Variants in LRIG1 observed in about 807,000 individuals in gnomAD.
LRIG1 encodes the protein leucine-rich repeats and immunoglobulin-like domains protein 1.
In LRIG1, 48 loss-of-function variants were observed where a neutral mutation model predicts 99.2. The observed-to-expected ratio is 0.48, with a 90% CI of 0.38 to 0.62. The LOEUF (loss-of-function observed/expected upper bound fraction) is 0.62. Among genes scored for constraint, LRIG1 ranks in the 20% least tolerant of loss-of-function variants. The probability of loss-of-function intolerance (pLI) is 0.00; values close to 1 mark genes in which losing one functional copy is unlikely to be tolerated. For synonymous variants in LRIG1, 772 were observed against 596.1 expected (o/e 1.29, Z -4.30); for missense variants, 1,646 against 1,434.4 (o/e 1.15, Z -2.38).
intron 1 of LRIG1, among the ~76,000 whole-genome samples, chr3:66,464,026 G>T (rs189272652): frequency 5.3e-5 from 8 of 152,228 alleles, no homozygotes; most frequent in Admixed American, 2.6e-4. Flanking sequence ...TCTGTGCCTG[G>T]GGGTATTTGT....
chr3:66,396,465 G>A (rs905262820), intron 11 of LRIG1, among the ~76,000 whole-genome samples: 6 of 152,270 alleles, frequency 3.9e-5, no homozygotes, highest in Admixed American at 6.5e-5. Context: ...TAAGTGCACA[G>A]TACAACCTGA....
chr3:66,433,021 CTATT>C (rs1703228204), intron 3 of LRIG1, among the ~76,000 whole-genome samples: 1 of 152,216 alleles, frequency 6.6e-6, no homozygotes, highest in African/African-American at 2.4e-5. Context: ...CAGACCACCT[CTATT>C]TATATTTAGG....
intron 12 of LRIG1, among the ~76,000 whole-genome samples, chr3:66,393,375 T>C (rs751318699): frequency 6.6e-6 from 1 of 152,216 alleles, no homozygotes; most frequent in East Asian, 1.9e-4. Context: ...TTTTTGACCA[T>C]GTCTTCCTGA....
chr3:66,462,557 A>C (rs1408277195), intron 1 of LRIG1, 48 bp from the exon 2 acceptor site: 2 of 1,307,538 alleles, frequency 1.5e-6, no homozygotes, highest in Non-Finnish European at 2.2e-6. Context: ...ACCTGGCATC[A>C]TACCCAGAAT....
At chr3:66,494,886 T>C (rs772828248) in intron 1 of LRIG1, among the ~76,000 whole-genome samples, 3 of 152,234 alleles carry the variant, frequency 2.0e-5, no homozygotes, top group South Asian at 2.1e-4. Flanking sequence ...TCAGTCCTAG[T>C]CATAATTGGA....
chr3:66,379,607 G>A lies in LRIG1; in HGVS notation c.*656C>T, dbSNP rs1360340155. On this transcript the variant is annotated 3_prime_UTR_variant, in exon 19 of 19. Transcript: ENST00000273261. ...AGACGGACAGATTCTACGCCTTACA[G>A]ACAGACAGGACTTAAACCTAAAAGG... 1 of 152,116 alleles carries A rather than the reference G, an allele frequency of 6.6e-6. No individual in the cohort carries two copies. Among genetic ancestry groups the A allele is most frequent in the Non-Finnish European group, 1.5e-5 (1 of 68,032 alleles). The allele number at this position is 152,116 out of a possible 1,614,324, so 9.4% of individuals were successfully genotyped here.
chr3:66,487,961 C>A (rs934051216), intron 1 of LRIG1, among the ~76,000 whole-genome samples: 4 of 151,956 alleles, frequency 2.6e-5, no homozygotes, highest in Non-Finnish European at 4.4e-5. Context: ...TAGTTGTATC[C>A]CCAAACAAAA....
intron 1 of LRIG1, chr3:66,498,177 GA>G (rs1377800718): frequency 6.6e-6 from 1 of 152,042 alleles, no homozygotes; most frequent in Non-Finnish European, 1.5e-5. Context: ...TCTTAAAATC[GA>G]ATCAGTCAAC....
At chr3:66,414,537 G>A (rs545141239) in intron 5 of LRIG1, among the ~76,000 whole-genome samples, 10 of 152,002 alleles carry the variant, frequency 6.6e-5, no homozygotes, top group South Asian at 6.2e-4. Context: ...AAGAAGTGTC[G>A]GACACCACCA....
chr3:66,408,863 G>A (rs2106661742), intron 7 of LRIG1, among the ~76,000 whole-genome samples: 1 of 148,836 alleles, frequency 6.7e-6, no homozygotes, highest in African/African-American at 2.5e-5. Context: ...CAGGACCACT[G>A]TGTTTTGCAT....
intron 11 of LRIG1, 33 bp from the exon 12 acceptor site, chr3:66,394,236 G>A (rs1170899925): frequency 6.5e-7 from 1 of 1,534,676 alleles, no homozygotes; most frequent in East Asian, 2.3e-5. Flanking sequence ...TGCTTCAGGT[G>A]CAGCCGCAAA....
intron 11 of LRIG1, among the ~76,000 whole-genome samples, chr3:66,396,159 C>T (rs1387286201): frequency 6.6e-6 from 1 of 152,206 alleles, no homozygotes; most frequent in Non-Finnish European, 1.5e-5. Context: ...GACAGGAGGC[C>T]AGACTCCAGG....
chr3:66,450,257 C>T (rs1040471578), intron 3 of LRIG1, among the ~76,000 whole-genome samples: 4 of 152,142 alleles, frequency 2.6e-5, no homozygotes, highest in Non-Finnish European at 4.4e-5. Context: ...AAGGTGAGAT[C>T]CTGCCAAGAT....
At chr3:66,493,794 G>GAAAGAAAGA (rs1041901776) in intron 1 of LRIG1, among the ~76,000 whole-genome samples, 6 of 130,714 alleles carry the variant, frequency 4.6e-5, no homozygotes, top group African/African-American at 1.4e-4. Context: ...AAACCCTGTC[G>GAAAGAAAGA]AAAGAAAGAA....
chr3:66,474,895 G>A (rs900789977), intron 1 of LRIG1, among the ~76,000 whole-genome samples: 1 of 152,194 alleles, frequency 6.6e-6, no homozygotes, highest in Non-Finnish European at 1.5e-5. Flanking sequence ...CTTGTCAAAA[G>A]TCAATTATCA....
intron 3 of LRIG1, among the ~76,000 whole-genome samples, chr3:66,419,331 G>C (rs1241294693): frequency 6.6e-6 from 1 of 152,158 alleles, no homozygotes; most frequent in Non-Finnish European, 1.5e-5. Flanking sequence ...TTCATTCGCT[G>C]AATCAAACAC....
intron 3 of LRIG1, among the ~76,000 whole-genome samples, chr3:66,432,905 G>A (rs112565655): frequency 0.011 from 1,693 of 152,236 alleles, 11 homozygotes; most frequent in Non-Finnish European, 0.017. Context: ...ATGTCCTGTC[G>A]CAAGCCACTG....
In LRIG1 at chr3:66,445,133, A is replaced by G. The variant is rs148449238; in HGVS notation, c.365+6426T>C. Among the ~76,000 whole-genome samples the G allele has an allele frequency of 2.4e-3, 368 of 152,086 alleles. 2 individuals carry two copies. The highest frequency in any genetic ancestry group is 8.3e-3 in the African/African-American group (344 of 41,472). ...ACAGCTTTGCTCACATTTTCTTCCT[A>G]AAGTAGCTGGAGTCATTCACTCTTA... On this transcript the variant is annotated intron_variant, in intron 3 of 18. Transcript: ENST00000273261.
chr3:66,443,507 T>C (rs186256615), intron 3 of LRIG1, among the ~76,000 whole-genome samples: 33 of 152,304 alleles, frequency 2.2e-4, no homozygotes, highest in Non-Finnish European at 4.4e-4. Flanking sequence ...CACCTCTGTG[T>C]AGGGGAAGAG....
Sources: gnomAD v4.1 joint callset for allele counts (sites outside exome capture counted in the v4.1 genomes callset) on GRCh38, gnomAD v4.1.1 for gene constraint, MANE v1.5 for transcripts, NCBI Gene and HGNC (gene_info 2026-07-23, HGNC 2026-07-21) for gene names.